The following BRSK2 variants were observed in gnomAD, a reference collection of about 807,000 sequenced individuals.
BRSK2 encodes BR serine/threonine kinase 2, also known as serine/threonine-protein kinase BRSK2.
A neutral mutation model predicts 83.3 loss-of-function variants in BRSK2; 19 were observed. The observed-to-expected ratio is 0.23, with a 90% CI of 0.16 to 0.33. The LOEUF (loss-of-function observed/expected upper bound fraction) is 0.33, where lower values mean the gene tolerates loss of function less well. BRSK2 is among the 10% of genes least tolerant of loss of function. BRSK2 has a pLI of 1.00. For missense variants in BRSK2, 798 were observed against 1,042.3 expected, an observed-to-expected ratio of 0.77 and a Z score of 3.23; for synonymous variants, 519 against 435.4, an observed-to-expected ratio of 1.19 and a Z score of -2.39.
chr11:1,440,110 G>C (rs1223803482), intron 3 of BRSK2, among the ~76,000 whole-genome samples: 1 of 152,164 alleles, frequency 6.6e-6, no homozygotes, highest in Admixed American at 6.5e-5. Context: ...TCCCCCCCGA[G>C]CTGGTTCAGC....
chr11:1,442,335 T>G (rs550387085), intron 4 of BRSK2, 155 bp from the exon 5 acceptor site: 1 of 591,140 alleles, frequency 1.7e-6, no homozygotes, highest in Admixed American at 2.4e-5. Context: ...GACTTCTGAT[T>G]GGCTGCCTAT....
At chr11:1,407,419 T>G (rs1402854115) in intron 1 of BRSK2, among the ~76,000 whole-genome samples, 4 of 152,146 alleles carry the variant, frequency 2.6e-5, no homozygotes, top group Non-Finnish European at 4.4e-5. Flanking sequence ...CATCGGACCC[T>G]TGGCCACAGT....
At chr11:1,450,554 G>A in intron 13 of BRSK2, 33 bp from the exon 14 acceptor site, 1 of 1,330,360 alleles carries the variant, frequency 7.5e-7, no homozygotes, top group Non-Finnish European at 1.0e-6. Flanking sequence ...CGCCGGGATT[G>A]AACCAAACAC....
intron 1 of BRSK2, among the ~76,000 whole-genome samples, chr11:1,401,908 A>G (rs1846505440): frequency 6.6e-6 from 1 of 152,230 alleles, no homozygotes; most frequent in Non-Finnish European, 1.5e-5. Context: ...ATTTTTGGCA[A>G]GATCCCAAAC....
At chr11:1,452,239 A>G (rs925014374) in intron 15 of BRSK2, among the ~76,000 whole-genome samples, 1 of 152,172 alleles carries the variant, frequency 6.6e-6, no homozygotes, top group African/African-American at 2.4e-5. Context: ...GCTCAGTGCT[A>G]AGCCCCAGGA....
At chr11:1,426,158 G>T (rs1209718993) in intron 1 of BRSK2, among the ~76,000 whole-genome samples, 1 of 152,192 alleles carries the variant, frequency 6.6e-6, no homozygotes, top group African/African-American at 2.4e-5. Context: ...AGCTGCATGG[G>T]ACGGGCAGGG....
rs983675796 is a variant in BRSK2 at position 1,461,129 on chromosome 11, C to T, written c.*406C>T. The T allele has an allele frequency of 1.2e-4, 151 of 1,286,590 alleles. No individual in the cohort carries two copies. Among genetic ancestry groups the T allele is most frequent in the Middle Eastern group, 1.9e-4 (1 of 5,356 alleles). 79.7% of individuals were successfully genotyped at this position (1,286,590 alleles called of 1,614,324 possible). On this transcript the variant is annotated 3_prime_UTR_variant, in exon 20 of 20. Transcript: ENST00000528841. Reference sequence around the variant, plus strand: ...ACCCCGCGGCAGCTCCTCGCCTCAGCTCCGCACGGCCCGTGGGAGGAAGGC... The same window carrying T: ...ACCCCGCGGCAGCTCCTCGCCTCAGTTCCGCACGGCCCGTGGGAGGAAGGC...
In BRSK2 at chr11:1,390,650, C is replaced by T. The variant is rs1266530354; in HGVS notation, c.91+275C>T. ...CGGACAGGGGCGCACGGGACGGCGCCCCTCGGGCCCCGCTGCAGGTGCGCG... is the reference window on the plus strand; with the variant it reads ...CGGACAGGGGCGCACGGGACGGCGCTCCTCGGGCCCCGCTGCAGGTGCGCG... On this transcript the variant is annotated intron_variant, in intron 1 of 19. Transcript: ENST00000528841. The surrounding 1 kb of genome is among the most constrained non-coding windows in gnomAD (Gnocchi z 6.8). 2.7e-5 allele frequency among the ~76,000 whole-genome samples: 4 copies of T among 148,048 alleles called. No individual in the cohort carries two copies. Among genetic ancestry groups the T allele is most frequent in the Non-Finnish European group, 4.5e-5 (3 of 66,516 alleles).
At chr11:1,429,276 T>A (rs1411618131) in intron 1 of BRSK2, among the ~76,000 whole-genome samples, 2 of 106,944 alleles carry the variant, frequency 1.9e-5, no homozygotes, top group Non-Finnish European at 3.4e-5. Context: ...TGTGCACTCG[T>A]GTGGGTGTGT....
intron 15 of BRSK2, among the ~76,000 whole-genome samples, chr11:1,452,043 G>A (rs1198166700): frequency 2.0e-5 from 3 of 152,178 alleles, no homozygotes; most frequent in Non-Finnish European, 2.9e-5. Context: ...GAGACCAGGC[G>A]ACTGGCGGTG....
At chr11:1,457,399 T>C (rs974855517) in intron 18 of BRSK2, among the ~76,000 whole-genome samples, 2 of 152,140 alleles carry the variant, frequency 1.3e-5, no homozygotes, top group African/African-American at 4.8e-5. Flanking sequence ...CACAGCCTGA[T>C]GGGCTCACAC....
At chr11:1,459,415 C>A in intron 19 of BRSK2, 176 bp downstream of exon 19, 1 of 677,874 alleles carries the variant, frequency 1.5e-6, no homozygotes. Flanking sequence ...CCAGGTCGCT[C>A]CCCTACCACA....
intron 1 of BRSK2, among the ~76,000 whole-genome samples, chr11:1,405,811 T>C (rs1377874426): frequency 6.6e-6 from 1 of 152,108 alleles, no homozygotes; most frequent in Non-Finnish European, 1.5e-5. Flanking sequence ...GCTCGGTCCT[T>C]CCTGCCTACC....
intron 1 of BRSK2, among the ~76,000 whole-genome samples, chr11:1,435,091 A>AG (rs1408025598): frequency 6.6e-6 from 1 of 151,236 alleles, no homozygotes; most frequent in Non-Finnish European, 1.5e-5. Context: ...CTGGGAAGGA[A>AG]GGGGCTGCCG....
chr11:1,419,913 G>GA (rs1303388833), intron 1 of BRSK2, among the ~76,000 whole-genome samples: 3 of 152,096 alleles, frequency 2.0e-5, no homozygotes, highest in Non-Finnish European at 2.9e-5. Flanking sequence ...ATTCCATCTC[G>GA]AAAAAAACAG....
chr11:1,447,178 G>A (rs765438000), intron 12 of BRSK2, among the ~76,000 whole-genome samples: 2 of 152,094 alleles, frequency 1.3e-5, no homozygotes, highest in Non-Finnish European at 2.9e-5. Context: ...GTACTAGGGG[G>A]TAGCAAGGGG....
chr11:1,421,894 C>G (rs947614614), intron 1 of BRSK2, among the ~76,000 whole-genome samples: 3 of 151,728 alleles, frequency 2.0e-5, no homozygotes, highest in East Asian at 3.9e-4. Flanking sequence ...CCTGCCGGCC[C>G]AGCACCGGGG....
At chr11:1,409,025 C>T (rs1285984204) in intron 1 of BRSK2, among the ~76,000 whole-genome samples, 2 of 151,556 alleles carry the variant, frequency 1.3e-5, no homozygotes, top group Non-Finnish European at 1.5e-5. Context: ...TCTGCCTATG[C>T]AGGGATGTAT....
rs1054909390 is a variant in BRSK2 at position 1,461,186 on chromosome 11, G to A, written c.*463G>A. Reference sequence around the variant, plus strand: ...CGGGGGAGCCTCCTCCAGCCCGGCCGACCCGGACTCCCGGTCACCTGACCC... The same window carrying A: ...CGGGGGAGCCTCCTCCAGCCCGGCCAACCCGGACTCCCGGTCACCTGACCC... On this transcript the variant is annotated 3_prime_UTR_variant, in exon 20 of 20. Coordinates refer to ENST00000528841, the MANE Select transcript of BRSK2 (RefSeq NM_001256627.2). 3.4e-5 allele frequency: 27 copies of A among 788,906 alleles called. No homozygotes were observed. Among genetic ancestry groups the A allele is most frequent in the South Asian group, 2.9e-4 (15 of 52,458 alleles). 48.9% of individuals were successfully genotyped at this position (788,906 alleles called of 1,614,324 possible). A position where few individuals can be genotyped will look rare whatever the true frequency, so the allele number is the denominator to read the frequency against.
Sources: gnomAD v4.1 joint callset for allele counts (sites outside exome capture counted in the v4.1 genomes callset) on GRCh38, gnomAD v4.1.1 for gene constraint, Gnocchi (gnomAD v3.1) non-coding constraint, MANE v1.5 for transcripts, NCBI Gene and HGNC (gene_info 2026-07-23, HGNC 2026-07-21) for gene names.